GXYLT2: variants seen among roughly 807,000 people sequenced by gnomAD.
GXYLT2 encodes glycosyltransferase 8 domain containing 4.
In GXYLT2, 53 loss-of-function variants were observed where a neutral mutation model predicts 45.8. The observed-to-expected ratio is 1.16, with a 90% CI of 0.93 to 1.46. GXYLT2 has a LOEUF of 1.46. GXYLT2 is among the 40% of genes most tolerant of loss of function. The probability of loss-of-function intolerance (pLI) is 0.00; values close to 1 mark genes in which losing one functional copy is unlikely to be tolerated. For synonymous variants in GXYLT2, 219 were observed against 214.2 expected (o/e 1.02, Z -0.19); for missense variants, 551 against 544.4 (o/e 1.01, Z -0.12).
In GXYLT2 at chr3:72,967,586, C is replaced by T. The variant is rs1405813635; in HGVS notation, c.1016C>T (p.Pro339Leu). The T allele has an allele frequency of 1.9e-5, 31 of 1,613,704 alleles. No individual in the cohort carries two copies. The highest frequency in any genetic ancestry group is 2.6e-5 in the Non-Finnish European group (31 of 1,179,824). Reference sequence around the variant, plus strand: ...TTCCCCTGCCAGTGGAACTACCGTCCCGATCACTGCATGTACGGAAGCAAC... The same window carrying T: ...TTCCCCTGCCAGTGGAACTACCGTCTCGATCACTGCATGTACGGAAGCAAC... ...YVFPCQWNYR[P>L]DHCMYGSNCR... Residue 339 changes from proline to leucine, a missense_variant, in exon 6 of 7, where the codon CCC becomes CTC. Transcript: ENST00000389617.
intron 1 of GXYLT2, among the ~76,000 whole-genome samples, chr3:72,904,690 T>C (rs1056567824): frequency 6.8e-6 from 1 of 147,288 alleles, no homozygotes; most frequent in Non-Finnish European, 1.5e-5. Flanking sequence ...AAAATATAGA[T>C]AATAACAAAA....
chr3:72,942,667 C>A (rs1428864861), intron 3 of GXYLT2, among the ~76,000 whole-genome samples: 1 of 151,614 alleles, frequency 6.6e-6, no homozygotes. Context: ...TAACCTCAAT[C>A]TAAACATGCG....
intron 3 of GXYLT2, among the ~76,000 whole-genome samples, chr3:72,933,680 G>T (rs1413657320): frequency 6.6e-6 from 1 of 152,134 alleles, no homozygotes; most frequent in Non-Finnish European, 1.5e-5. Context: ...AGGCCAAGAT[G>T]GGAAGATGAC....
At chr3:72,943,279 C>T (rs1325650580) in intron 3 of GXYLT2, among the ~76,000 whole-genome samples, 1 of 151,524 alleles carries the variant, frequency 6.6e-6, no homozygotes, top group African/African-American at 2.4e-5. Context: ...TGAAAATTTA[C>T]AAAGATAAAA....
chr3:72,908,583 C>T, intron 2 of GXYLT2, 24 bp downstream of exon 2: 1 of 1,567,070 alleles, frequency 6.4e-7, no homozygotes, highest in Non-Finnish European at 8.7e-7. Flanking sequence ...AATCATGGCA[C>T]AGTGTTTACT....
intron 2 of GXYLT2, among the ~76,000 whole-genome samples, chr3:72,921,799 A>G (rs1200542700): frequency 6.6e-6 from 1 of 152,154 alleles, no homozygotes; most frequent in Non-Finnish European, 1.5e-5. Flanking sequence ...ATTATTGGAC[A>G]TTTTGATTGT....
At chr3:72,893,159 G>A (rs115946197) in intron 1 of GXYLT2, among the ~76,000 whole-genome samples, 1,887 of 152,250 alleles carry the variant, frequency 0.012, 41 homozygotes, top group African/African-American at 0.042. Context: ...CTGACTTCCT[G>A]TCACACTAAG....
At chr3:72,889,967 G>A (rs949810475) in intron 1 of GXYLT2, among the ~76,000 whole-genome samples, 15 of 143,014 alleles carry the variant, frequency 1.0e-4, no homozygotes, top group African/African-American at 4.0e-4. Context: ...GTGCCGTGCT[G>A]CGATCTCTGC....
intron 6 of GXYLT2, among the ~76,000 whole-genome samples, chr3:72,971,056 C>T (rs1453548097): frequency 6.6e-6 from 1 of 152,168 alleles, no homozygotes; most frequent in Non-Finnish European, 1.5e-5. Flanking sequence ...CAGGGGCAAA[C>T]TCATTCAGGA....
chr3:72,955,293 G>A lies in GXYLT2; in HGVS notation c.796G>A (p.Val266Ile), dbSNP rs1454900295. ...ARHPFYGSAGVNSGVMLMNLT... is the reference protein window; with the variant it reads ...ARHPFYGSAGINSGVMLMNLT... ...GCATCCTTTCTATGGCTCTGCAGGA[G>A]TTAATTCAGGAGTCATGTTAATGAA... The change falls in exon 4 of 7, where the codon GTT (valine) becomes ATT (isoleucine). Residue 266 changes from valine to isoleucine, a missense_variant. By Grantham distance (29) the Val-to-Ile change is conservative. Transcript: ENST00000389617. The A allele has an allele frequency of 6.2e-7, 1 of 1,613,894 alleles. No individual in the cohort carries two copies. Among genetic ancestry groups the A allele is most frequent in the Non-Finnish European group, 8.5e-7 (1 of 1,179,894 alleles).
intron 2 of GXYLT2, among the ~76,000 whole-genome samples, chr3:72,920,394 C>T (rs1709810321): frequency 6.6e-6 from 1 of 152,098 alleles, no homozygotes; most frequent in Non-Finnish European, 1.5e-5. Flanking sequence ...CTTGGCCTCC[C>T]AAAGTCATGA....
chr3:72,904,774 C>T (rs1210234628), intron 1 of GXYLT2, among the ~76,000 whole-genome samples: 2 of 151,444 alleles, frequency 1.3e-5, no homozygotes, highest in African/African-American at 2.4e-5. Flanking sequence ...GGCATGGTGG[C>T]TCACCCCTGT....
chr3:72,975,521 T>C lies in GXYLT2; in HGVS notation c.*362T>C, dbSNP rs536879029. 28 of 171,062 alleles carry C rather than the reference T, an allele frequency of 1.6e-4. No homozygotes were observed. The South Asian group carries it at 4.1e-3, about 25-fold the overall frequency. 10.6% of individuals were successfully genotyped at this position (171,062 alleles called of 1,614,324 possible). A position where few individuals can be genotyped will look rare whatever the true frequency, so the allele number is the denominator to read the frequency against. On this transcript the variant is annotated 3_prime_UTR_variant, in exon 7 of 7. Coordinates refer to ENST00000389617, the MANE Select transcript of GXYLT2 (RefSeq NM_001080393.2). ...TATTGATCTAGCATTCCTGAGACTC[T>C]TTCTATGCAACTGACTCCCCCACAC...
At chr3:72,962,292 C>T (rs1361669928) in intron 5 of GXYLT2, among the ~76,000 whole-genome samples, 2 of 152,232 alleles carry the variant, frequency 1.3e-5, no homozygotes, top group African/African-American at 2.4e-5. Context: ...TGATGTAAAA[C>T]GCAAGAGAAA....
chr3:72,905,337 C>G (rs993821281), intron 1 of GXYLT2, among the ~76,000 whole-genome samples: 2 of 152,070 alleles, frequency 1.3e-5, no homozygotes, highest in African/African-American at 4.8e-5. Flanking sequence ...AGGCTGGTCT[C>G]GAACTCCTGA....
intron 1 of GXYLT2, among the ~76,000 whole-genome samples, chr3:72,889,896 G>GTTTTTTTTTTTTTTTT (rs369830925): frequency 1.5e-5 from 2 of 135,536 alleles, no homozygotes; most frequent in African/African-American, 5.7e-5. Context: ...TTTTCTTTTG[G>GTTTTTTTTTTTTTTTT]TTTTTTTTTT....
intron 2 of GXYLT2, among the ~76,000 whole-genome samples, chr3:72,917,388 T>C (rs1193301638): frequency 6.6e-6 from 1 of 152,150 alleles, no homozygotes; most frequent in Non-Finnish European, 1.5e-5. Context: ...TAGCGTCAGT[T>C]CTAATGGGAT....
rs1449579513 is a variant in GXYLT2, at chr3:72,954,472, TGCAGGGCCCC to T, written c.601-625_601-616del. On this transcript the variant is annotated intron_variant, in intron 3 of 6. Transcript: ENST00000389617. ...ATATATTTATATATATTTTAAAAGA[TGCAGGGCCCC>T]CCATTAACACTAGAAGAAATGGATC... Among the ~76,000 whole-genome samples, 5 of 149,960 alleles carry T rather than the reference TGCAGGGCCCC, an allele frequency of 3.3e-5. No homozygotes were observed. In the East Asian group the frequency reaches 9.8e-4, roughly 29 times the overall value.
At chr3:72,909,988 A>G (rs929170933) in intron 2 of GXYLT2, among the ~76,000 whole-genome samples, 3 of 152,184 alleles carry the variant, frequency 2.0e-5, no homozygotes, top group Admixed American at 1.3e-4. Flanking sequence ...CATCTTTACC[A>G]AGAGAAACCA....
Sources: allele counts gnomAD v4.1 joint callset (sites outside exome capture counted in the v4.1 genomes callset), GRCh38; gene constraint gnomAD v4.1.1; transcripts MANE v1.5; gene names NCBI Gene and HGNC (gene_info 2026-07-23, HGNC 2026-07-21).